PLPPR1: variants seen among roughly 807,000 people sequenced by gnomAD.
PLPPR1 encodes phospholipid phosphatase related 1.
A neutral mutation model predicts 33.1 loss-of-function variants in PLPPR1; 10 were observed. That is an observed-to-expected ratio of 0.30 (90% CI 0.19 to 0.51). The LOEUF (loss-of-function observed/expected upper bound fraction) is 0.51, where lower values mean the gene tolerates loss of function less well. Ranked by LOEUF, PLPPR1 falls within the 20% of genes least tolerant of loss-of-function variation. PLPPR1 has a pLI of 0.97. For missense variants in PLPPR1, 304 were observed against 408.1 expected, an observed-to-expected ratio of 0.74 and a Z score of 2.20; for synonymous variants, 151 against 151.0, an observed-to-expected ratio of 1.00 and a Z score of 0.00.
At chr9:101,181,910 A>G (rs988272275) in intron 1 of PLPPR1, among the ~76,000 whole-genome samples, 1 of 150,402 alleles carries the variant, frequency 6.6e-6, no homozygotes. Context: ...ACACATATAT[A>G]TAGTGTGTAT....
intron 1 of PLPPR1, among the ~76,000 whole-genome samples, chr9:101,120,278 A>G (rs1831162612): frequency 6.6e-6 from 1 of 152,114 alleles, no homozygotes; most frequent in Admixed American, 6.5e-5. Flanking sequence ...GTGAGTTCCT[A>G]TTGTTAGCCT....
At chr9:101,275,075 A>G (rs768161840) in intron 3 of PLPPR1, among the ~76,000 whole-genome samples, 1 of 152,216 alleles carries the variant, frequency 6.6e-6, no homozygotes, top group Non-Finnish European at 1.5e-5. Flanking sequence ...AGAACTGCAC[A>G]GTTGTTTATT....
At chr9:101,108,263 A>T (rs1249861830) in intron 1 of PLPPR1, among the ~76,000 whole-genome samples, 1 of 152,238 alleles carries the variant, frequency 6.6e-6, no homozygotes, top group East Asian at 1.9e-4. Context: ...AGAGACTTGA[A>T]TCAGGTAATG....
At chr9:101,099,367 C>T (rs536757521) in intron 1 of PLPPR1, among the ~76,000 whole-genome samples, 18 of 151,978 alleles carry the variant, frequency 1.2e-4, no homozygotes, top group Non-Finnish European at 2.5e-4. Flanking sequence ...TAAATATTGA[C>T]TAGGAAGAAG....
At chr9:101,141,205 TCTC>T (rs2118631840) in intron 1 of PLPPR1, among the ~76,000 whole-genome samples, 1 of 152,264 alleles carries the variant, frequency 6.6e-6, no homozygotes, top group African/African-American at 2.4e-5. Context: ...TCTATGGAAA[TCTC>T]CTCTGGCAAA....
intron 2 of PLPPR1, among the ~76,000 whole-genome samples, chr9:101,223,013 A>G (rs900092749): frequency 2.0e-5 from 3 of 151,914 alleles, no homozygotes; most frequent in African/African-American, 7.3e-5. Flanking sequence ...GAAGAAACGC[A>G]TTTAAGAAAT....
intron 1 of PLPPR1, among the ~76,000 whole-genome samples, chr9:101,183,043 G>A (rs10120205): frequency 0.059 from 9,011 of 151,768 alleles, 849 homozygotes; most frequent in African/African-American, 0.2. Context: ...ATTGCTGGTG[G>A]GAATGTAAAA....
At chr9:101,294,337 G>T (rs1355911338) in intron 4 of PLPPR1, among the ~76,000 whole-genome samples, 2 of 151,702 alleles carry the variant, frequency 1.3e-5, no homozygotes, top group Admixed American at 1.3e-4. Flanking sequence ...AAGAGTCCAG[G>T]ACCAGATGGA....
rs553610477 is a variant in PLPPR1, at chr9:101,305,236, C to T, written c.386-3975C>T. Reference sequence around the variant, plus strand: ...GTGTGTGTGCGTGCATGTGTGCATGCGCAAGTGTGTGTATGTGTGTGAGAA... The same window carrying T: ...GTGTGTGTGCGTGCATGTGTGCATGTGCAAGTGTGTGTATGTGTGTGAGAA... On this transcript the variant is annotated intron_variant, in intron 4 of 7. Coordinates refer to ENST00000374874, the MANE Select transcript of PLPPR1 (RefSeq NM_207299.2). Among the ~76,000 whole-genome samples, 7 of 151,954 alleles carry T rather than the reference C, an allele frequency of 4.6e-5. No individual in the cohort carries two copies. In the South Asian group the frequency reaches 6.3e-4, roughly 14 times the overall value.
intron 3 of PLPPR1, among the ~76,000 whole-genome samples, chr9:101,275,960 T>G (rs1828184612): frequency 6.6e-6 from 1 of 152,226 alleles, no homozygotes; most frequent in East Asian, 1.9e-4. Context: ...GAATCTTCAT[T>G]TGGGGGTTTC....
rs1564167629 is a variant in PLPPR1, at chr9:101,180,145, CACACACACACACACACAT to C, written c.-45-5291_-45-5274del. 1.4e-3 allele frequency among the ~76,000 whole-genome samples: 40 copies of C among 28,212 alleles called. 1 individual carries two copies. The highest frequency in any genetic ancestry group is 8.0e-4 in the Non-Finnish European group (10 of 12,538). The allele number at this position is 28,212 out of a possible 152,430, so 18.5% of individuals were successfully genotyped here. ...ATATATATATATATATATATATATA[CACACACACACACACACAT>C]ACACACACACACAGACACACACATA... On this transcript the variant is annotated intron_variant, in intron 1 of 7. Transcript: ENST00000374874.
intron 3 of PLPPR1, among the ~76,000 whole-genome samples, chr9:101,271,720 T>C (rs921555593): frequency 1.3e-5 from 2 of 152,162 alleles, no homozygotes; most frequent in African/African-American, 4.8e-5. Context: ...TCCTGGTTTC[T>C]TCCTGTCTCA....
At chr9:101,060,891 C>T (rs1028820082) in intron 1 of PLPPR1, among the ~76,000 whole-genome samples, 2 of 151,908 alleles carry the variant, frequency 1.3e-5, no homozygotes, top group Non-Finnish European at 2.9e-5. Flanking sequence ...TTTATAATCA[C>T]TCCCTCCTTT....
chr9:101,269,798 T>C (rs1160902033), intron 2 of PLPPR1, 82 bp from the exon 3 acceptor site: 1 of 1,312,826 alleles, frequency 7.6e-7, no homozygotes, highest in African/African-American at 1.5e-5. Context: ...GCTGCTGGGG[T>C]GATGGAGGGA....
chr9:101,043,264 T>G (rs614267), intron 1 of PLPPR1, among the ~76,000 whole-genome samples: 89,201 of 151,344 alleles, frequency 0.59, 26,320 homozygotes, highest in Non-Finnish European at 0.6. Context: ...CTGAGTAGTA[T>G]TCCATCATAT....
chr9:101,127,535 C>G (rs777768317), intron 1 of PLPPR1, among the ~76,000 whole-genome samples: 1 of 152,216 alleles, frequency 6.6e-6, no homozygotes, highest in Non-Finnish European at 1.5e-5. Context: ...TTAGCATTAG[C>G]TCTGCTACTT....
At chr9:101,296,153 C>T (rs1828632782) in intron 4 of PLPPR1, among the ~76,000 whole-genome samples, 2 of 152,160 alleles carry the variant, frequency 1.3e-5, no homozygotes, top group Non-Finnish European at 2.9e-5. Context: ...TGAACAGACA[C>T]TTCTCAAAAG....
At chr9:101,212,802 T>C (rs1426809073) in intron 2 of PLPPR1, among the ~76,000 whole-genome samples, 1 of 152,172 alleles carries the variant, frequency 6.6e-6, no homozygotes, top group Non-Finnish European at 1.5e-5. Context: ...TGAGTACAAG[T>C]GTATGATGAT....
chr9:101,250,490 G>T (rs1564016536), intron 2 of PLPPR1, among the ~76,000 whole-genome samples: 1 of 151,878 alleles, frequency 6.6e-6, no homozygotes, highest in Non-Finnish European at 1.5e-5. Context: ...TAATTATATT[G>T]CTTCCCTAGA....
Sources: gnomAD v4.1 joint callset for allele counts (sites outside exome capture counted in the v4.1 genomes callset) on GRCh38, gnomAD v4.1.1 for gene constraint, MANE v1.5 for transcripts, NCBI Gene and HGNC (gene_info 2026-07-23, HGNC 2026-07-21) for gene names.